Variants in SUMO3 observed in about 807,000 individuals in gnomAD.
SUMO3 encodes small ubiquitin-related modifier 3.
A neutral mutation model predicts 11.1 loss-of-function variants in SUMO3; 2 were observed. The ratio of observed to expected loss-of-function variants is 0.18; its 90% confidence interval spans 0.07 to 0.57. The LOEUF is 0.57. Ranked by LOEUF, SUMO3 falls within the 20% of genes least tolerant of loss-of-function variation. SUMO3 has a pLI of 0.92. For missense variants in SUMO3, 70 were observed against 132.8 expected, an observed-to-expected ratio of 0.53 and a Z score of 2.32; for synonymous variants, 56 against 53.5, an observed-to-expected ratio of 1.05 and a Z score of -0.20.
chr21:44,812,778 G>A (rs556947907), intron 2 of SUMO3, among the ~76,000 whole-genome samples: 6 of 152,334 alleles, frequency 3.9e-5, no homozygotes, highest in African/African-American at 7.2e-5. Context: ...ACATGTACAC[G>A]GCCCCACACG....
chr21:44,810,035 CCAT>C lies in SUMO3; in HGVS notation c.151-920_151-918del, dbSNP rs1457265973. Among the ~76,000 whole-genome samples, 1 of 152,194 alleles carries C rather than the reference CCAT, an allele frequency of 6.6e-6. No individual in the cohort carries two copies. Among genetic ancestry groups the C allele is most frequent in the Non-Finnish European group, 1.5e-5 (1 of 68,038 alleles). On this transcript the variant is annotated intron_variant, in intron 2 of 3. Transcript: ENST00000332859. The surrounding 1 kb of genome is among the most constrained non-coding windows in gnomAD (Gnocchi z 4.1). ...GCATGAGGCCGGGGAGCAGTTACCA[CCAT>C]GACTTTGGCCTTGAGGAGGGCAGCA...
At chr21:44,808,515 A>T in intron 3 of SUMO3, 1 of 1,244,632 alleles carries the variant, frequency 8.0e-7, no homozygotes, top group Non-Finnish European at 1.0e-6. Context: ...ACTCCGTCTC[A>T]AAAAAAAAAG....
In SUMO3 at chr21:44,810,065, GA is replaced by G. The variant is rs1169672207; in HGVS notation, c.151-948del. On this transcript the variant is annotated intron_variant, in intron 2 of 3. Transcript: ENST00000332859. The surrounding 1 kb of genome is among the most constrained non-coding windows in gnomAD (Gnocchi z 4.1). Reference sequence around the variant, plus strand: ...ACTTTGGCCTTGAGGAGGGCAGCAGGAAGGAGAGCACGCAGCCTTTCTGCGT... The same window carrying G: ...ACTTTGGCCTTGAGGAGGGCAGCAGGAGGAGAGCACGCAGCCTTTCTGCGT... 6.6e-6 allele frequency among the ~76,000 whole-genome samples: 1 copy of G among 152,224 alleles called. No individual in the cohort carries two copies. Among genetic ancestry groups the G allele is most frequent in the African/African-American group, 2.4e-5 (1 of 41,458 alleles).
chr21:44,815,511 T>A (rs1282210765), intron 1 of SUMO3, among the ~76,000 whole-genome samples: 1 of 152,060 alleles, frequency 6.6e-6, no homozygotes, highest in Non-Finnish European at 1.5e-5. Context: ...CATCTCCCCA[T>A]CCCGAATGTG....
chr21:44,815,072 G>A (rs1373789605), intron 1 of SUMO3, among the ~76,000 whole-genome samples: 2 of 152,212 alleles, frequency 1.3e-5, no homozygotes, highest in African/African-American at 4.8e-5. Flanking sequence ...AGTCAAGTCT[G>A]GGGCGTCCTG....
intron 2 of SUMO3, chr21:44,813,732 G>T: frequency 7.5e-7 from 1 of 1,325,292 alleles, no homozygotes; most frequent in Non-Finnish European, 1.0e-6. Context: ...CGCCCTGTCA[G>T]GAAGAAAAAC....
At position 44,811,432 on chromosome 21, in the gene SUMO3, C is replaced by T. The variant is rs115235499; in HGVS notation, c.151-2314G>A. On this transcript the variant is annotated intron_variant, in intron 2 of 3. Coordinates refer to ENST00000332859, the MANE Select transcript of SUMO3 (RefSeq NM_006936.3). This position sits in a 1 kb window ranked among gnomAD's most constrained non-coding sequence, Gnocchi z 5.0. ...CCACAAAATAAAAAAATGAGCCAGG[C>T]GTGGTGGCGTGTACCTGGAGTCCCA... 0.014 allele frequency among the ~76,000 whole-genome samples: 2,188 copies of T among 151,986 alleles called. 44 individuals carry two copies. Among genetic ancestry groups the T allele is most frequent in the African/African-American group, 0.05 (2,059 of 41,420 alleles).
At chr21:44,813,519 A>G (rs2083225000) in intron 2 of SUMO3, 1 of 339,226 alleles carries the variant, frequency 2.9e-6, no homozygotes, top group Admixed American at 4.3e-5. Flanking sequence ...TTCCTAACAA[A>G]ATGGAAAACC....
chr21:44,817,101 T>A (rs2083249555), intron 1 of SUMO3, among the ~76,000 whole-genome samples: 1 of 93,350 alleles, frequency 1.1e-5, no homozygotes, highest in African/African-American at 4.3e-5. Flanking sequence ...AGGGACGCGA[T>A]GATGGGGACG....
intron 1 of SUMO3, among the ~76,000 whole-genome samples, chr21:44,814,694 C>T (rs897112597): frequency 2.6e-5 from 4 of 152,208 alleles, no homozygotes; most frequent in Admixed American, 6.5e-5. Context: ...CAACTGAGGA[C>T]GGCCACTCCC....
rs2083181986 is a variant in SUMO3, at chr21:44,807,062, G to A, written c.223-22C>T. 1 of 1,612,596 alleles carries A rather than the reference G, an allele frequency of 6.2e-7. No individual in the cohort carries two copies. The highest frequency in any genetic ancestry group is 1.3e-5 in the African/African-American group (1 of 75,002). On this transcript the variant is annotated intron_variant, in intron 3 of 3. Coordinates refer to ENST00000332859, the MANE Select transcript of SUMO3 (RefSeq NM_006936.3). This position sits in a 1 kb window ranked among gnomAD's most constrained non-coding sequence, Gnocchi z 4.3. ...CCAGCTGTCATGGTTGTCACAACAG[G>A]CACAGCGAGAGAGAGGGGAGCCTGT...
Position 44,810,335 on chromosome 21 carries a change from G to T in SUMO3, c.151-1217C>A, listed in dbSNP as rs1383020917. On this transcript the variant is annotated intron_variant, in intron 2 of 3. Transcript: ENST00000332859. The surrounding 1 kb of genome is among the most constrained non-coding windows in gnomAD (Gnocchi z 4.1). ...ACTGAGGCGTGGACACTGGTGGTCTGATGGACACTGGACCAGGATCCTAGG... is the reference window on the plus strand; with the variant it reads ...ACTGAGGCGTGGACACTGGTGGTCTTATGGACACTGGACCAGGATCCTAGG... 6.6e-6 allele frequency among the ~76,000 whole-genome samples: 1 copy of T among 152,202 alleles called. No homozygotes were observed. The highest frequency in any genetic ancestry group is 1.5e-5 in the Non-Finnish European group (1 of 68,034).
chr21:44,806,908 A>G lies in SUMO3; in HGVS notation c.*43T>C. ...GGCATGGTCACGTGCTCACCATTCAACAGCAATGCGAGGATGGACGGCCCG... is the reference window on the plus strand; with the variant it reads ...GGCATGGTCACGTGCTCACCATTCAGCAGCAATGCGAGGATGGACGGCCCG... On this transcript the variant is annotated 3_prime_UTR_variant, in exon 4 of 4. Coordinates refer to ENST00000332859, the MANE Select transcript of SUMO3 (RefSeq NM_006936.3). 1 of 1,612,900 alleles carries G rather than the reference A, an allele frequency of 6.2e-7. No homozygotes were observed. The highest frequency in any genetic ancestry group is 1.1e-5 in the South Asian group (1 of 90,970).
At position 44,811,039 on chromosome 21, in the gene SUMO3, TAC is replaced by T. The variant is rs1347380790; in HGVS notation, c.151-1923_151-1922del. Among the ~76,000 whole-genome samples the T allele has an allele frequency of 3.9e-5, 3 of 76,790 alleles. No homozygotes were observed. The highest frequency in any genetic ancestry group is 3.3e-4 in the East Asian group (1 of 3,042). 50.4% of individuals were successfully genotyped at this position (76,790 alleles called of 152,430 possible). ...ATATGCACACACGCACACACCCACA[TAC>T]ACACACGCACACACCCACACATACA... On this transcript the variant is annotated intron_variant, in intron 2 of 3. Coordinates refer to ENST00000332859, the MANE Select transcript of SUMO3 (RefSeq NM_006936.3). The surrounding 1 kb of genome is among the most constrained non-coding windows in gnomAD (Gnocchi z 5.0).
In SUMO3 at chr21:44,814,087, C is replaced by T; in HGVS notation, c.39G>A (p.Glu13=). The change falls in exon 2 of 4, where the codon GAG becomes GAA. Residue 13 remains glutamate (E), a synonymous_variant. Coordinates refer to ENST00000332859, the MANE Select transcript of SUMO3 (RefSeq NM_006936.3). ...EEKPKEGVKT[E]NDHINLKVAG... ...CCACCTTCAGGTTGATGTGGTCATTCTCTGTCTTCACACCCTCCTGCAGAA... is the reference window on the plus strand; with the variant it reads ...CCACCTTCAGGTTGATGTGGTCATTTTCTGTCTTCACACCCTCCTGCAGAA... 41 of 1,613,978 alleles carry T rather than the reference C, an allele frequency of 2.5e-5. No individual in the cohort carries two copies. The highest frequency in any genetic ancestry group is 3.5e-5 in the Non-Finnish European group (41 of 1,180,032).
At chr21:44,812,178 T>A (rs1295076288) in intron 2 of SUMO3, among the ~76,000 whole-genome samples, 1 of 145,728 alleles carries the variant, frequency 6.9e-6, no homozygotes, top group Non-Finnish European at 1.5e-5. Context: ...CACCTCAGCC[T>A]CCTGAGTAGC....
intron 1 of SUMO3, among the ~76,000 whole-genome samples, chr21:44,816,697 C>G (rs999073948): frequency 1.3e-5 from 2 of 152,068 alleles, no homozygotes; most frequent in Non-Finnish European, 2.9e-5. Context: ...GAAGGAATGG[C>G]CAGTGCACCT....
chr21:44,805,668 A>C lies in SUMO3; in HGVS notation c.*1283T>G, dbSNP rs1294945075. The C allele has an allele frequency of 6.6e-6, 1 of 152,636 alleles. No individual in the cohort carries two copies. The highest frequency in any genetic ancestry group is 2.4e-5 in the African/African-American group (1 of 41,444). The allele number at this position is 152,636 out of a possible 1,614,324, so 9.5% of individuals were successfully genotyped here. A position where few individuals can be genotyped will look rare whatever the true frequency, so the allele number is the denominator to read the frequency against. ...TTTACAGTAGTAAAGGACAACAAAT[A>C]ATGTACAAATTGGTGAATAAACACA... On this transcript the variant is annotated 3_prime_UTR_variant, in exon 4 of 4. Coordinates refer to ENST00000332859, the MANE Select transcript of SUMO3 (RefSeq NM_006936.3).
At chr21:44,815,385 G>A (rs918387165) in intron 1 of SUMO3, among the ~76,000 whole-genome samples, 1 of 152,138 alleles carries the variant, frequency 6.6e-6, no homozygotes, top group Non-Finnish European at 1.5e-5. Context: ...GAGCCTGAAG[G>A]TGCGTGTCCT....
Sources: allele counts gnomAD v4.1 joint callset (sites outside exome capture counted in the v4.1 genomes callset), GRCh38; gene constraint gnomAD v4.1.1; non-coding constraint Gnocchi (gnomAD v3.1); transcripts MANE v1.5; gene names NCBI Gene and HGNC (gene_info 2026-07-23, HGNC 2026-07-21).